The following WWOX variants were observed in gnomAD, a reference collection of about 807,000 sequenced individuals.
WWOX encodes the protein WW domain-containing oxidoreductase.
Under a neutral mutation model 46.2 loss-of-function variants are expected in WWOX, and 69 were observed. The observed-to-expected ratio is 1.49, with a 90% CI of 1.23 to 1.82. WWOX has a LOEUF of 1.82. Among genes scored for constraint, WWOX ranks in the 40% most tolerant of loss-of-function variants. The probability of loss-of-function intolerance (pLI) is 0.00; values close to 1 mark genes in which losing one functional copy is unlikely to be tolerated. For synonymous variants in WWOX, 359 were observed against 202.6 expected (o/e 1.77, Z -6.56); for missense variants, 919 against 542.6 (o/e 1.69, Z -6.89).
chr16:78,433,219 A>C (rs547061539), intron 8 of WWOX, among the ~76,000 whole-genome samples: 2 of 152,188 alleles, frequency 1.3e-5, no homozygotes, highest in Non-Finnish European at 2.9e-5. Context: ...TTTTTCTTCT[A>C]ATGGGTATAA....
chr16:78,509,225 G>C (rs979279992), intron 8 of WWOX, among the ~76,000 whole-genome samples: 4 of 152,190 alleles, frequency 2.6e-5, no homozygotes, highest in Non-Finnish European at 4.4e-5. Context: ...GATCACCTGA[G>C]GTCAGAAATT....
chr16:78,878,209 C>G (rs372545728), intron 8 of WWOX, among the ~76,000 whole-genome samples: 7 of 152,268 alleles, frequency 4.6e-5, no homozygotes, highest in African/African-American at 1.7e-4. Context: ...GATGGAAATC[C>G]TGAGCCACAA....
intron 8 of WWOX, among the ~76,000 whole-genome samples, chr16:79,031,732 C>T (rs2047758700): frequency 6.9e-6 from 1 of 145,008 alleles, no homozygotes; most frequent in South Asian, 2.2e-4. Context: ...GCTTAATAGG[C>T]TCTCTCTCTG....
chr16:78,958,449 ACT>A (rs2046212183), intron 8 of WWOX, among the ~76,000 whole-genome samples: 1 of 152,210 alleles, frequency 6.6e-6, no homozygotes, highest in African/African-American at 2.4e-5. Context: ...CTTTCAAAGT[ACT>A]CTCTATGGAG....
At chr16:78,948,465 C>T (rs1475453392) in intron 8 of WWOX, among the ~76,000 whole-genome samples, 2 of 152,146 alleles carry the variant, frequency 1.3e-5, no homozygotes, top group Non-Finnish European at 2.9e-5. Flanking sequence ...CTGTCTCTTG[C>T]GGCATTTCTG....
At chr16:78,172,894 C>T (rs1050290173) in intron 5 of WWOX, among the ~76,000 whole-genome samples, 2 of 152,198 alleles carry the variant, frequency 1.3e-5, no homozygotes, top group African/African-American at 4.8e-5. Context: ...CTGCTTTTGG[C>T]CACTTGGCAT....
rs1274770114 is a variant in WWOX, at chr16:78,337,767, CCTCCAGCA to C, written c.517-49092_517-49085del. 1.2e-4 allele frequency among the ~76,000 whole-genome samples: 7 copies of C among 56,154 alleles called. 2 individuals are homozygous for C. The highest frequency in any genetic ancestry group is 2.9e-4 in the Non-Finnish European group (5 of 17,516). 36.8% of individuals were successfully genotyped at this position (56,154 alleles called of 152,430 possible). A position where few individuals can be genotyped will look rare whatever the true frequency, so the allele number is the denominator to read the frequency against. On this transcript the variant is annotated intron_variant, in intron 5 of 8. Transcript: ENST00000566780. The stretch of plus-strand genomic sequence containing the variant: ...TGAAATATCCCTGTACTCCAAGATG[CCTCCAGCA>C]ATTATAATTGAATCTTGAAGCTAGA...
intron 4 of WWOX, among the ~76,000 whole-genome samples, chr16:78,148,693 C>T (rs918148619): frequency 3.3e-5 from 5 of 151,470 alleles, no homozygotes; most frequent in African/African-American, 4.9e-5. Context: ...GTCAGGAGAT[C>T]GAGACCATCC....
intron 8 of WWOX, among the ~76,000 whole-genome samples, chr16:78,520,735 C>G (rs1394693056): frequency 1.3e-5 from 2 of 152,024 alleles, no homozygotes; most frequent in Non-Finnish European, 2.9e-5. Flanking sequence ...CCCTGTACCA[C>G]GGCCAATGAT....
chr16:78,809,135 C>G (rs1314825673), intron 8 of WWOX, among the ~76,000 whole-genome samples: 1 of 151,926 alleles, frequency 6.6e-6, no homozygotes, highest in Non-Finnish European at 1.5e-5. Context: ...TCTCCCCCTG[C>G]ACCCTTCTCA....
intron 8 of WWOX, among the ~76,000 whole-genome samples, chr16:78,943,760 T>G (rs1213196028): frequency 6.6e-6 from 1 of 152,096 alleles, no homozygotes; most frequent in Non-Finnish European, 1.5e-5. Context: ...TTCCTGCAAC[T>G]CCTTCTGGAT....
chr16:79,185,504 G>GCC (rs60278092), intron 8 of WWOX, among the ~76,000 whole-genome samples: 3 of 152,180 alleles, frequency 2.0e-5, no homozygotes, highest in African/African-American at 4.8e-5. Flanking sequence ...GACACCTCCT[G>GCC]CCCCCTGGCC....
chr16:78,454,025 T>C (rs1367523078), intron 8 of WWOX, among the ~76,000 whole-genome samples: 34 of 152,292 alleles, frequency 2.2e-4, no homozygotes, highest in Non-Finnish European at 7.4e-5. Flanking sequence ...GTGATTTCAG[T>C]GAGAAATATA....
chr16:79,022,639 G>A (rs1015974236), intron 8 of WWOX, among the ~76,000 whole-genome samples: 5 of 152,198 alleles, frequency 3.3e-5, no homozygotes, highest in African/African-American at 1.2e-4. Context: ...GTTCCTGGTT[G>A]TGGCATTCAT....
At chr16:79,043,141 A>G (rs923534286) in intron 8 of WWOX, among the ~76,000 whole-genome samples, 34 of 152,108 alleles carry the variant, frequency 2.2e-4, no homozygotes, top group African/African-American at 8.2e-4. Flanking sequence ...GACTTTGCCT[A>G]CTTGCAGCTG....
chr16:78,328,711 C>G (rs2080688360), intron 5 of WWOX, among the ~76,000 whole-genome samples: 1 of 152,192 alleles, frequency 6.6e-6, no homozygotes, highest in Non-Finnish European at 1.5e-5. Context: ...GACAAGCAGT[C>G]TGGGACTTCT....
At chr16:78,740,181 G>C (rs1204033316) in intron 8 of WWOX, among the ~76,000 whole-genome samples, 2 of 152,158 alleles carry the variant, frequency 1.3e-5, no homozygotes, top group African/African-American at 4.8e-5. Context: ...TAGAGAGTGA[G>C]CTCCAGCACC....
intron 8 of WWOX, among the ~76,000 whole-genome samples, chr16:79,132,658 A>C (rs2049904358): frequency 6.6e-6 from 1 of 151,856 alleles, no homozygotes; most frequent in South Asian, 2.1e-4. Flanking sequence ...ATCCCTTAGG[A>C]CCTTGCTAAG....
At chr16:78,285,011 T>C (rs1027352643) in intron 5 of WWOX, among the ~76,000 whole-genome samples, 1 of 152,212 alleles carries the variant, frequency 6.6e-6, no homozygotes, top group Admixed American at 6.5e-5. Context: ...ATGCATGTAA[T>C]GATGATGTCA....
Sources: gnomAD v4.1 joint callset for allele counts (sites outside exome capture counted in the v4.1 genomes callset) on GRCh38, gnomAD v4.1.1 for gene constraint, MANE v1.5 for transcripts, NCBI Gene and HGNC (gene_info 2026-07-23, HGNC 2026-07-21) for gene names.